Variants in RPS6KC1 observed in about 807,000 individuals in gnomAD.
RPS6KC1 encodes the protein inactive ribosomal protein S6 kinase delta-1.
RPS6KC1 carries 54 observed loss-of-function variants against 103.8 expected under a neutral mutation model. The observed-to-expected ratio is 0.52, with a 90% CI of 0.42 to 0.65. The LOEUF is 0.65. RPS6KC1 is among the 30% of genes least tolerant of loss of function. The pLI, the probability that RPS6KC1 is intolerant of heterozygous loss-of-function variation, is 0.00. For synonymous variants in RPS6KC1, 439 were observed against 438.7 expected, an observed-to-expected ratio of 1.00 and a Z score of -0.01; for missense variants, 1,151 against 1,253.8, an observed-to-expected ratio of 0.92 and a Z score of 1.24.
At chr1:213,104,425 C>T (rs765168022) in intron 3 of RPS6KC1, 29 bp from the exon 4 acceptor site, 17 of 1,400,414 alleles carry the variant, frequency 1.2e-5, no homozygotes, top group Admixed American at 1.7e-5. Flanking sequence ...TCATTCTTCC[C>T]TTAAGTGTTG....
At chr1:213,543,836 T>G in the RPS6KC1 span, among the ~76,000 whole-genome samples, 1 of 152,158 alleles carries the variant, frequency 6.6e-6, no homozygotes, top group Non-Finnish European at 1.5e-5. Flanking sequence ...AGACATAGAG[T>G]GTAGACTTGG....
the RPS6KC1 span, among the ~76,000 whole-genome samples, chr1:213,415,793 C>G: frequency 6.6e-6 from 1 of 152,310 alleles, no homozygotes; most frequent in East Asian, 1.9e-4. Context: ...AGGAATGCAG[C>G]CTGTAATTAC....
the RPS6KC1 span, among the ~76,000 whole-genome samples, chr1:213,519,957 G>A: frequency 9.2e-5 from 14 of 152,214 alleles, no homozygotes; most frequent in Non-Finnish European, 1.8e-4. Flanking sequence ...CTGAGGTGGT[G>A]AGAGATTACA....
At chr1:213,783,366 C>A in the RPS6KC1 span, among the ~76,000 whole-genome samples, 24 of 152,142 alleles carry the variant, frequency 1.6e-4, no homozygotes, top group Admixed American at 1.6e-3. Context: ...TGAAACGCAG[C>A]GCGGGAATCA....
At chr1:213,529,226 G>T in the RPS6KC1 span, among the ~76,000 whole-genome samples, 1 of 151,682 alleles carries the variant, frequency 6.6e-6, no homozygotes, top group East Asian at 1.9e-4. Flanking sequence ...TTAGTTGGGG[G>T]GATCACGGGA....
the RPS6KC1 span, among the ~76,000 whole-genome samples, chr1:213,379,069 G>A: frequency 6.6e-6 from 1 of 152,138 alleles, no homozygotes; most frequent in African/African-American, 2.4e-5. Context: ...TCCTATTGTT[G>A]TCTAACTTCA....
the RPS6KC1 span, among the ~76,000 whole-genome samples, chr1:213,472,997 G>A: frequency 1.3e-5 from 2 of 152,116 alleles, no homozygotes; most frequent in Non-Finnish European, 2.9e-5. Flanking sequence ...GGTGCTTTGG[G>A]GACACCTATT....
chr1:213,498,960 A>G, the RPS6KC1 span, among the ~76,000 whole-genome samples: 1 of 150,398 alleles, frequency 6.6e-6, no homozygotes, highest in African/African-American at 2.5e-5. Context: ...TTGTATTTTT[A>G]GTAGAGACAG....
At chr1:213,259,174 CTT>C (rs1346644155) in intron 12 of RPS6KC1, among the ~76,000 whole-genome samples, 3 of 152,208 alleles carry the variant, frequency 2.0e-5, no homozygotes, top group African/African-American at 7.2e-5. Flanking sequence ...TCCAGAGTAA[CTT>C]TTCCAACAAG....
chr1:213,308,477 A>G, the RPS6KC1 span, among the ~76,000 whole-genome samples: 1 of 152,188 alleles, frequency 6.6e-6, no homozygotes, highest in Non-Finnish European at 1.5e-5. Flanking sequence ...CATTTTCTCC[A>G]TTGAGACTCA....
chr1:213,581,747 T>A, the RPS6KC1 span, among the ~76,000 whole-genome samples: 2 of 152,130 alleles, frequency 1.3e-5, no homozygotes. Flanking sequence ...AAGAGGCCTT[T>A]CTTCTACTGC....
At chr1:213,390,581 C>T in the RPS6KC1 span, among the ~76,000 whole-genome samples, 559 of 152,272 alleles carry the variant, frequency 3.7e-3, 2 homozygotes, top group African/African-American at 0.013. Context: ...CTGCTTGTAA[C>T]GGCTGGAGGA....
chr1:213,224,648 G>A (rs2148812973), intron 8 of RPS6KC1, among the ~76,000 whole-genome samples: 1 of 152,276 alleles, frequency 6.6e-6, no homozygotes, highest in South Asian at 2.1e-4. Flanking sequence ...GTACAAATTA[G>A]ATTTTTGTCT....
intron 8 of RPS6KC1, among the ~76,000 whole-genome samples, chr1:213,199,015 C>CA (rs1040215265): frequency 6.6e-6 from 1 of 151,246 alleles, no homozygotes; most frequent in Non-Finnish European, 1.5e-5. Context: ...ACCTCCCCAT[C>CA]AAAAAAAGCC....
chr1:213,069,534 A>G (rs560024068), intron 1 of RPS6KC1, among the ~76,000 whole-genome samples: 1 of 152,090 alleles, frequency 6.6e-6, no homozygotes, highest in Non-Finnish European at 1.5e-5. Flanking sequence ...TACATCCTCT[A>G]TTTTTTGTTC....
the RPS6KC1 span, among the ~76,000 whole-genome samples, chr1:213,534,708 A>C: frequency 6.6e-6 from 1 of 152,228 alleles, no homozygotes; most frequent in African/African-American, 2.4e-5. Context: ...AGAGATGAAC[A>C]ATTTATTACT....
At chr1:213,489,568 T>G in the RPS6KC1 span, among the ~76,000 whole-genome samples, 1 of 152,206 alleles carries the variant, frequency 6.6e-6, no homozygotes, top group Non-Finnish European at 1.5e-5. Context: ...CACACCATCC[T>G]CACTTTGGAG....
At chr1:213,423,228 A>C in the RPS6KC1 span, among the ~76,000 whole-genome samples, 9 of 152,154 alleles carry the variant, frequency 5.9e-5, no homozygotes, top group African/African-American at 2.2e-4. Context: ...TCTTCCTCTG[A>C]GCCCTGGATG....
At chr1:213,308,506 C>T in the RPS6KC1 span, among the ~76,000 whole-genome samples, 20 of 152,052 alleles carry the variant, frequency 1.3e-4, no homozygotes, top group Admixed American at 6.6e-4. Flanking sequence ...TTAGCATTTA[C>T]AATTATTATA....
Sources: allele counts gnomAD v4.1 joint callset (sites outside exome capture counted in the v4.1 genomes callset), GRCh38; gene constraint gnomAD v4.1.1; transcripts MANE v1.5; gene names NCBI Gene and HGNC (gene_info 2026-07-23, HGNC 2026-07-21).